The following CCDC91 variants were observed in gnomAD, a reference collection of about 807,000 sequenced individuals.
The protein encoded by CCDC91 is coiled-coil domain containing 91.
CCDC91 carries 48 observed loss-of-function variants against 63.2 expected under a neutral mutation model. That is an observed-to-expected ratio of 0.76 (90% CI 0.60 to 0.97). The LOEUF (loss-of-function observed/expected upper bound fraction) is 0.97. CCDC91 is among the 50% of genes least tolerant of loss of function. The probability of loss-of-function intolerance (pLI) is 0.00; values close to 1 mark genes in which losing one functional copy is unlikely to be tolerated. For missense variants in CCDC91, 500 were observed against 494.6 expected (o/e 1.01, Z -0.10); for synonymous variants, 167 against 165.8 (o/e 1.01, Z -0.06).
At chr12:28,512,017 AG>A (rs1939431463) in intron 12 of CCDC91, among the ~76,000 whole-genome samples, 1 of 151,902 alleles carries the variant, frequency 6.6e-6, no homozygotes, top group Non-Finnish European at 1.5e-5. Context: ...GTATATGACT[AG>A]ATGGATTTTG....
At chr12:28,285,030 G>A (rs1196314381) in intron 3 of CCDC91, among the ~76,000 whole-genome samples, 1 of 152,104 alleles carries the variant, frequency 6.6e-6, no homozygotes, top group African/African-American at 2.4e-5. Flanking sequence ...CTGCTTTTAG[G>A]AATCAGAAAA....
At chr12:28,526,454 G>C (rs1232506782) in intron 12 of CCDC91, among the ~76,000 whole-genome samples, 1 of 152,142 alleles carries the variant, frequency 6.6e-6, no homozygotes, top group Non-Finnish European at 1.5e-5. Flanking sequence ...AGCCTGTAGG[G>C]TTTCTGCTGA....
At chr12:28,310,561 G>A (rs1410722558) in intron 6 of CCDC91, among the ~76,000 whole-genome samples, 3 of 151,816 alleles carry the variant, frequency 2.0e-5, no homozygotes, top group African/African-American at 7.3e-5. Context: ...AGTAACTTAC[G>A]GAGTGTTAAA....
intron 6 of CCDC91, among the ~76,000 whole-genome samples, chr12:28,317,342 G>A (rs1358241224): frequency 6.6e-6 from 1 of 151,946 alleles, no homozygotes; most frequent in Non-Finnish European, 1.5e-5. Flanking sequence ...CTGTTAAAGG[G>A]AATTATGTGT....
At chr12:28,268,063 TTAA>T (rs559861610) in intron 3 of CCDC91, among the ~76,000 whole-genome samples, 1,875 of 142,958 alleles carry the variant, frequency 0.013, 31 homozygotes, top group African/African-American at 0.038. Context: ...TTAAAAATAA[TTAA>T]TAATAATAAC....
intron 1 of CCDC91, among the ~76,000 whole-genome samples, chr12:28,241,718 G>A (rs1177610065): frequency 6.6e-6 from 1 of 151,844 alleles, no homozygotes; most frequent in Non-Finnish European, 1.5e-5. Context: ...GTGTTCTTGC[G>A]GGGCGTGGTG....
chr12:28,412,638 A>C (rs774443651), intron 8 of CCDC91: 18 of 384,894 alleles, frequency 4.7e-5, no homozygotes, highest in Non-Finnish European at 9.2e-5. Context: ...TGAAGAATGA[A>C]AGGACAAAGC....
chr12:28,407,600 A>G (rs1220927923), intron 8 of CCDC91, among the ~76,000 whole-genome samples: 1 of 152,156 alleles, frequency 6.6e-6, no homozygotes, highest in Non-Finnish European at 1.5e-5. Flanking sequence ...ATTTCCATGT[A>G]ACTTTTATAA....
At chr12:28,402,102 G>A (rs1441045839) in intron 8 of CCDC91, among the ~76,000 whole-genome samples, 1 of 152,046 alleles carries the variant, frequency 6.6e-6, no homozygotes, top group Non-Finnish European at 1.5e-5. Flanking sequence ...GACATTAGGG[G>A]TTGAATTTTT....
At chr12:28,506,367 C>A (rs1209464678) in intron 12 of CCDC91, among the ~76,000 whole-genome samples, 1 of 151,930 alleles carries the variant, frequency 6.6e-6, no homozygotes, top group Non-Finnish European at 1.5e-5. Flanking sequence ...ATTCCTGCAT[C>A]TTTGTTTCTC....
intron 6 of CCDC91, among the ~76,000 whole-genome samples, chr12:28,357,845 G>A (rs1943622511): frequency 6.6e-6 from 1 of 152,042 alleles, no homozygotes; most frequent in Non-Finnish European, 1.5e-5. Flanking sequence ...ATTTGCTTTT[G>A]TCATCTCTTT....
At chr12:28,201,755 C>G (rs934270533) in intron 1 of CCDC91, among the ~76,000 whole-genome samples, 1 of 144,040 alleles carries the variant, frequency 6.9e-6, no homozygotes, top group African/African-American at 2.5e-5. Flanking sequence ...ACTGAGTGAA[C>G]CAGACTCCGT....
At chr12:28,197,945 T>G (rs1019270582) in intron 1 of CCDC91, among the ~76,000 whole-genome samples, 1 of 152,150 alleles carries the variant, frequency 6.6e-6, no homozygotes, top group African/African-American at 2.4e-5. Context: ...GTGAAGAATT[T>G]TGTAATTATA....
At chr12:28,510,106 A>G (rs879290909) in intron 12 of CCDC91, among the ~76,000 whole-genome samples, 11 of 151,432 alleles carry the variant, frequency 7.3e-5, no homozygotes, top group Non-Finnish European at 1.5e-4. Flanking sequence ...TTTTGATAAT[A>G]AATTGAAATA....
At chr12:28,244,538 C>G (rs910373296) in intron 1 of CCDC91, among the ~76,000 whole-genome samples, 15 of 79,722 alleles carry the variant, frequency 1.9e-4, no homozygotes, top group Non-Finnish European at 2.5e-4. Flanking sequence ...CAGCTCTACT[C>G]TTTTCAGTGC....
chr12:28,304,805 T>C (rs866816410), intron 3 of CCDC91: 3 of 371,390 alleles, frequency 8.1e-6, no homozygotes, highest in Middle Eastern at 7.2e-4. Flanking sequence ...TACAAACTTA[T>C]TTGAATTTTT....
intron 3 of CCDC91, among the ~76,000 whole-genome samples, chr12:28,274,905 T>G (rs1416167645): frequency 6.6e-6 from 1 of 151,886 alleles, no homozygotes; most frequent in Admixed American, 6.6e-5. Context: ...AGAGAGGGCA[T>G]CCCCTTTGAA....
chr12:28,430,661 A>T (rs1948578404), intron 8 of CCDC91, among the ~76,000 whole-genome samples: 1 of 152,162 alleles, frequency 6.6e-6, no homozygotes, highest in African/African-American at 2.4e-5. Flanking sequence ...TTCCATAAAC[A>T]TGTATTAGCC....
At chr12:28,509,181 C>T (rs993240445) in intron 12 of CCDC91, among the ~76,000 whole-genome samples, 1 of 151,878 alleles carries the variant, frequency 6.6e-6, no homozygotes, top group Non-Finnish European at 1.5e-5. Context: ...AGAGAATGTT[C>T]CCATATCAAT....
Sources: allele counts gnomAD v4.1 joint callset (sites outside exome capture counted in the v4.1 genomes callset), GRCh38; gene constraint gnomAD v4.1.1; transcripts MANE v1.5; gene names NCBI Gene and HGNC (gene_info 2026-07-23, HGNC 2026-07-21).